Variants in LRRIQ1 observed in about 807,000 individuals in gnomAD.
The protein encoded by LRRIQ1 is leucine rich repeats and IQ motif containing 1.
Under a neutral mutation model 211.9 loss-of-function variants are expected in LRRIQ1, and 210 were observed. The ratio of observed to expected loss-of-function variants is 0.99; its 90% CI spans 0.89 to 1.11. The LOEUF (loss-of-function observed/expected upper bound fraction) is 1.11, where lower values mean the gene tolerates loss of function less well. Among genes scored for constraint, LRRIQ1 ranks in the 50% most tolerant of loss-of-function variants. The probability of loss-of-function intolerance (pLI) is 0.00; values close to 1 mark genes in which losing one functional copy is unlikely to be tolerated. For missense variants in LRRIQ1, 2,136 were observed against 1,939.5 expected, an observed-to-expected ratio of 1.10 and a Z score of -1.90; for synonymous variants, 699 against 650.1, an observed-to-expected ratio of 1.08 and a Z score of -1.14.
chr12:85,166,167 A>G (rs1891149619), intron 24 of LRRIQ1, among the ~76,000 whole-genome samples: 1 of 152,176 alleles, frequency 6.6e-6, no homozygotes, highest in Non-Finnish European at 1.5e-5. Flanking sequence ...GCTACTTCTA[A>G]AGTCAATGCC....
intron 19 of LRRIQ1, 94 bp downstream of exon 19, chr12:85,138,063 T>C: frequency 1.4e-6 from 1 of 734,970 alleles, no homozygotes; most frequent in Non-Finnish European, 2.1e-6. Flanking sequence ...TTTATCCTAT[T>C]AATATTGTTA....
At chr12:85,251,567 A>T (rs1422035260) in intron 1 of LRRIQ1, among the ~76,000 whole-genome samples, 2 of 151,812 alleles carry the variant, frequency 1.3e-5, no homozygotes, top group East Asian at 3.9e-4. Context: ...ATCATTTGCA[A>T]CTCTTATGTA....
At chr12:85,249,499 G>A (rs543867536), downstream of LRRIQ1, among the ~76,000 whole-genome samples, 2 of 151,908 alleles carry the variant, frequency 1.3e-5, no homozygotes, top group South Asian at 2.1e-4. Flanking sequence ...ATCATTGCAT[G>A]TATTTAGGTA....
chr12:85,239,704 A>G (rs1239252828), intron 26 of LRRIQ1, among the ~76,000 whole-genome samples: 2 of 150,318 alleles, frequency 1.3e-5, no homozygotes, highest in Non-Finnish European at 2.9e-5. Flanking sequence ...GAGGCCTGGC[A>G]TGGTGGCTCG....
At chr12:85,229,427 T>C (rs985893225) in intron 24 of LRRIQ1, 90 bp from the exon 25 acceptor site, 1 of 1,023,104 alleles carries the variant, frequency 9.8e-7, no homozygotes, top group Non-Finnish European at 1.4e-6. Flanking sequence ...TTTTTCTTTC[T>C]TGTGATAAAA....
At chr12:85,135,418 TAAAC>T (rs1385138691) in intron 18 of LRRIQ1, among the ~76,000 whole-genome samples, 5 of 151,858 alleles carry the variant, frequency 3.3e-5, no homozygotes, top group Non-Finnish European at 5.9e-5. Flanking sequence ...TGGCCATTGG[TAAAC>T]ATTGCCTAGA....
Position 85,239,582 on chromosome 12 carries a change from A to G in LRRIQ1, c.5017-5207A>G, listed in dbSNP as rs76410436. Among the ~76,000 whole-genome samples, 6 of 152,204 alleles carry G rather than the reference A, an allele frequency of 3.9e-5. No individual in the cohort carries two copies. The East Asian group carries it at 1.2e-3, about 29-fold the overall frequency. On this transcript the variant is annotated intron_variant, in intron 26 of 26. Transcript: ENST00000393217. ...TTTCTACACATAGTGCTGGACAACT[A>G]GATAACTATATGGAAAAAGAATCTT...
chr12:85,159,535 GA>G (rs1023177138), intron 23 of LRRIQ1: 1 of 151,994 alleles, frequency 6.6e-6, no homozygotes, highest in African/African-American at 2.4e-5. Context: ...GGAAGAGACA[GA>G]AGGTGAGAAC....
intron 10 of LRRIQ1, among the ~76,000 whole-genome samples, chr12:85,069,228 A>G (rs2136084378): frequency 6.6e-6 from 1 of 151,848 alleles, no homozygotes; most frequent in African/African-American, 2.4e-5. Context: ...GCTGAGAATG[A>G]TGGTTTCCAG....
intron 8 of LRRIQ1, among the ~76,000 whole-genome samples, chr12:85,062,875 C>T (rs1306413551): frequency 6.6e-6 from 1 of 151,668 alleles, no homozygotes; most frequent in African/African-American, 2.4e-5. Flanking sequence ...TATTTTTTGA[C>T]TTTTTAGCAA....
At chr12:85,234,009 C>T (rs1282931868) in intron 26 of LRRIQ1, among the ~76,000 whole-genome samples, 3 of 151,974 alleles carry the variant, frequency 2.0e-5, no homozygotes, top group Non-Finnish European at 4.4e-5. Context: ...GGCAGACAGA[C>T]TTCTTGAGCC....
intron 8 of LRRIQ1, among the ~76,000 whole-genome samples, chr12:85,058,472 A>C (rs7133817): frequency 0.56 from 85,723 of 151,772 alleles, 25,439 homozygotes; most frequent in African/African-American, 0.75. Context: ...AAGCTAGGCA[A>C]GAGTGATGGC....
At chr12:85,145,378 T>G (rs1480794351) in intron 19 of LRRIQ1, among the ~76,000 whole-genome samples, 2 of 151,676 alleles carry the variant, frequency 1.3e-5, no homozygotes, top group Non-Finnish European at 3.0e-5. Context: ...TGAAATGTGA[T>G]TTCATTTAAC....
At chr12:85,245,127 T>A, downstream of LRRIQ1, 1 of 1,063,816 alleles carries the variant, frequency 9.4e-7, no homozygotes, top group Non-Finnish European at 1.3e-6. Context: ...TTTATTTTAA[T>A]TGTATTTGGG....
At chr12:85,063,463 C>T (rs940608216) in intron 8 of LRRIQ1, among the ~76,000 whole-genome samples, 1 of 151,574 alleles carries the variant, frequency 6.6e-6, no homozygotes, top group African/African-American at 2.4e-5. Flanking sequence ...TTGATTCAGG[C>T]ATACAATGCA....
chr12:85,045,860 A>G (rs958627464), intron 4 of LRRIQ1, among the ~76,000 whole-genome samples, 160 bp from the exon 5 acceptor site: 2 of 152,070 alleles, frequency 1.3e-5, no homozygotes, highest in African/African-American at 4.8e-5. Context: ...CATTGTAAAG[A>G]GAATAATTAT....
intron 26 of LRRIQ1, among the ~76,000 whole-genome samples, chr12:85,240,057 A>G (rs971972971): frequency 2.4e-4 from 36 of 152,180 alleles, no homozygotes; most frequent in African/African-American, 8.7e-4. Context: ...CAAACCTGGC[A>G]TAGGCAAAAA....
At chr12:85,232,069 G>A (rs1366054746) in intron 25 of LRRIQ1, among the ~76,000 whole-genome samples, 5 of 151,922 alleles carry the variant, frequency 3.3e-5, no homozygotes, top group Non-Finnish European at 7.4e-5. Flanking sequence ...ATGAAATTTT[G>A]ATATACTTAA....
intron 11 of LRRIQ1, chr12:85,076,654 T>A (rs920838670): frequency 3.6e-5 from 14 of 384,238 alleles, no homozygotes; most frequent in African/African-American, 2.6e-4. Context: ...TGCTGTGTCG[T>A]GGCTCATAGT....
Sources: allele counts gnomAD v4.1 joint callset (sites outside exome capture counted in the v4.1 genomes callset), GRCh38; gene constraint gnomAD v4.1.1; transcripts MANE v1.5; gene names NCBI Gene and HGNC (gene_info 2026-07-23, HGNC 2026-07-21).